The following KIF15 variants were observed in gnomAD, a reference collection of about 807,000 sequenced individuals.
KIF15 encodes the protein kinesin-like protein KIF15.
In KIF15, 140 loss-of-function variants were observed where a neutral mutation model predicts 190.6. The ratio of observed to expected loss-of-function variants is 0.73; its 90% confidence interval spans 0.64 to 0.84. KIF15 has a LOEUF of 0.84. KIF15 is among the 40% of genes least tolerant of loss of function. The pLI, the probability that KIF15 is intolerant of heterozygous loss-of-function variation, is 0.00. For synonymous variants in KIF15, 528 were observed against 551.3 expected (o/e 0.96, Z 0.59); for missense variants, 1,372 against 1,584.4 (o/e 0.87, Z 2.28).
At chr3:44,795,004 T>C (rs1706906690) in intron 8 of KIF15, among the ~76,000 whole-genome samples, 1 of 152,018 alleles carries the variant, frequency 6.6e-6, no homozygotes, top group African/African-American at 2.4e-5. Flanking sequence ...TATATGACCA[T>C]ACCAAGCTAA....
At chr3:44,800,911 G>C (rs1003489497) in intron 11 of KIF15, among the ~76,000 whole-genome samples, 1 of 151,474 alleles carries the variant, frequency 6.6e-6, no homozygotes, top group Non-Finnish European at 1.5e-5. Context: ...GTAATCTATT[G>C]TGCATATTAA....
At chr3:44,862,129 G>T in intron 6 of KIF15, 2 of 1,232,272 alleles carry the variant, frequency 1.6e-6, no homozygotes. Flanking sequence ...CGAGCCCGGG[G>T]CGCTGTTGGT....
At chr3:44,820,952 C>T (rs1446464557) in intron 20 of KIF15, among the ~76,000 whole-genome samples, 7 of 151,610 alleles carry the variant, frequency 4.6e-5, no homozygotes, top group Middle Eastern at 3.4e-3. Context: ...CCTCACCTCC[C>T]GGACGGGGTG....
At chr3:44,839,612 C>G (rs1425594966) in intron 27 of KIF15, among the ~76,000 whole-genome samples, 2 of 152,124 alleles carry the variant, frequency 1.3e-5, no homozygotes, top group Non-Finnish European at 2.9e-5. Flanking sequence ...CAGTAGATCT[C>G]CAAAAGGTAT....
At chr3:44,829,530 A>ATTATATATGTAT (rs1402767626) in intron 24 of KIF15, among the ~76,000 whole-genome samples, 5 of 100,322 alleles carry the variant, frequency 5.0e-5, no homozygotes, top group Admixed American at 1.3e-4. Flanking sequence ...ATATGTATAT[A>ATTATATATGTAT]ATATGTATAT....
In KIF15 at chr3:44,792,650, G is replaced by T. The variant is rs193070406; in HGVS notation, c.640-1567G>T. On this transcript the variant is annotated intron_variant, in intron 7 of 34. Transcript: ENST00000326047. The stretch of plus-strand genomic sequence containing the variant: ...CAACTTCTACCTCCCGGGTTCAAGC[G>T]ATTCTCCTGCCTCAGCCTCCCGAGT... Among the ~76,000 whole-genome samples, 492 of 151,438 alleles carry T rather than the reference G, an allele frequency of 3.2e-3. 4 individuals carry two copies. The highest frequency in any genetic ancestry group is 0.011 in the African/African-American group (472 of 41,258).
intron 6 of KIF15, chr3:44,863,300 A>ACCCCCG (rs1699280600): frequency 2.9e-5 from 1 of 35,060 alleles, no homozygotes; most frequent in Non-Finnish European, 5.8e-5. Context: ...TAGATTCCGC[A>ACCCCCG]CCCCCCCCCC....
At chr3:44,771,396 T>C (rs372704009) in intron 1 of KIF15, among the ~76,000 whole-genome samples, 1 of 152,176 alleles carries the variant, frequency 6.6e-6, no homozygotes, top group African/African-American at 2.4e-5. Context: ...TTAATATTAT[T>C]CCCTAAAATA....
rs113556197 is a variant in KIF15, at chr3:44,805,080, A to T, written c.1741A>T (p.Thr581Ser). The part of the protein sequence containing the change: ...AQKEPCLFAN[T>S]EKLKAQLLQI... ...GAAAGAGCCATGTTTGTTTGCAAACACTGAGAAGTTAAAAGCACAACTCCT... is the reference window on the plus strand; with the variant it reads ...GAAAGAGCCATGTTTGTTTGCAAACTCTGAGAAGTTAAAAGCACAACTCCT... The change falls in exon 15 of 35, where the codon ACT becomes TCT. Residue 581 changes from threonine to serine, a missense_variant. Transcript: ENST00000326047. 6.2e-7 allele frequency: 1 copy of T among 1,614,130 alleles called. No individual in the cohort carries two copies. The highest frequency in any genetic ancestry group is 1.3e-5 in the African/African-American group (1 of 75,054).
chr3:44,858,691 G>C (rs1190647986), intron 6 of KIF15, among the ~76,000 whole-genome samples: 1 of 152,186 alleles, frequency 6.6e-6, no homozygotes, highest in Admixed American at 6.5e-5. Flanking sequence ...AAAAAGGAGT[G>C]CATTAAAGAA....
Position 44,852,199 on chromosome 3 carries a change from T to A in KIF15, c.3973-9T>A. ...CTCATTTTTCCCTCCTTGGATTGAT[T>A]ACCTGCAGGAGATGGAAATGTTAAG... On this transcript the variant is annotated splice_polypyrimidine_tract_variant and intron_variant, in intron 33 of 34. Coordinates refer to ENST00000326047, the MANE Select transcript of KIF15 (RefSeq NM_020242.3). The A allele has an allele frequency of 6.2e-7, 1 of 1,604,968 alleles. No homozygotes were observed. The highest frequency in any genetic ancestry group is 8.5e-7 in the Non-Finnish European group (1 of 1,174,962).
At chr3:44,836,085 A>T (rs1332890510) in intron 26 of KIF15, among the ~76,000 whole-genome samples, 1 of 152,150 alleles carries the variant, frequency 6.6e-6, no homozygotes, top group Non-Finnish European at 1.5e-5. Flanking sequence ...GGTGACTCAC[A>T]CCTGTAATCC....
chr3:44,795,726 G>T lies in KIF15; in HGVS notation c.849+1300G>T, dbSNP rs1433783763. On this transcript the variant is annotated intron_variant, in intron 8 of 34. Coordinates refer to ENST00000326047, the MANE Select transcript of KIF15 (RefSeq NM_020242.3). ...AATACGAATTGTCAATAAAATATTT[G>T]TAGAGTCTATAGTTTAGAATATACA... Among the ~76,000 whole-genome samples, 4 of 152,066 alleles carry T rather than the reference G, an allele frequency of 2.6e-5. No individual in the cohort carries two copies. In the East Asian group the frequency reaches 7.7e-4, roughly 29 times the overall value.
At chr3:44,809,654 G>A (rs989826964) in intron 16 of KIF15, among the ~76,000 whole-genome samples, 7 of 151,704 alleles carry the variant, frequency 4.6e-5, no homozygotes, top group Non-Finnish European at 5.9e-5. Context: ...AGACCAGCTT[G>A]GGCAACATAG....
chr3:44,844,208 T>G (rs1200410487), intron 30 of KIF15, among the ~76,000 whole-genome samples: 1 of 152,242 alleles, frequency 6.6e-6, no homozygotes, highest in African/African-American at 2.4e-5. Context: ...ACCCCTGATA[T>G]GAGTTGTTCA....
chr3:44,793,864 CT>C (rs200155085), intron 7 of KIF15, among the ~76,000 whole-genome samples: 1,585 of 146,358 alleles, frequency 0.011, 25 homozygotes, highest in African/African-American at 0.037. Context: ...ATTCTTGTTC[CT>C]TTTTTTTTCT....
chr3:44,820,145 A>G (rs532125080), intron 20 of KIF15, among the ~76,000 whole-genome samples: 1 of 152,210 alleles, frequency 6.6e-6, no homozygotes, highest in Admixed American at 6.5e-5. Flanking sequence ...GTGTCTCTGC[A>G]CGTAAGATGG....
intron 16 of KIF15, among the ~76,000 whole-genome samples, chr3:44,807,246 C>T (rs1371095505): frequency 2.3e-4 from 34 of 149,856 alleles, no homozygotes; most frequent in African/African-American, 7.6e-4. Context: ...TTTTTTGAGA[C>T]GGAGTTTTGC....
intron 7 of KIF15, among the ~76,000 whole-genome samples, chr3:44,786,947 T>G (rs1046781237): frequency 6.6e-6 from 1 of 152,196 alleles, no homozygotes; most frequent in Non-Finnish European, 1.5e-5. Context: ...AAAAGCTAAC[T>G]TACCTTGAGC....
Sources: allele counts gnomAD v4.1 joint callset (sites outside exome capture counted in the v4.1 genomes callset), GRCh38; gene constraint gnomAD v4.1.1; transcripts MANE v1.5; gene names NCBI Gene and HGNC (gene_info 2026-07-23, HGNC 2026-07-21).